CCDC74A: variants seen among roughly 807,000 people sequenced by gnomAD.
CCDC74A encodes the protein coiled-coil domain containing 74A, also known as coiled-coil domain-containing protein 74A.
Under a neutral mutation model 37.6 loss-of-function variants are expected in CCDC74A, and 38 were observed. The observed-to-expected ratio is 1.01, with a 90% CI of 0.78 to 1.33. CCDC74A has a LOEUF of 1.33. CCDC74A is among the 40% of genes most tolerant of loss of function. The pLI is 0.00. For synonymous variants in CCDC74A, 134 were observed against 165.2 expected (o/e 0.81, Z 1.45); for missense variants, 340 against 403.4 (o/e 0.84, Z 1.35).
intron 1 of CCDC74A, chr2:131,528,671 C>T (rs539029589): frequency 2.4e-5 from 11 of 465,698 alleles, no homozygotes; most frequent in Admixed American, 8.8e-5. Context: ...ATTAGCTAGG[C>T]GTGGTGGTGG....
intron 3 of CCDC74A, among the ~76,000 whole-genome samples, chr2:131,531,163 T>C (rs140283880): frequency 0.052 from 7,744 of 149,608 alleles, 551 homozygotes; most frequent in African/African-American, 0.17. Context: ...GCCGTGTCCC[T>C]GCCACAAGCA....
At chr2:131,526,542 C>T (rs1680334351), upstream of CCDC74A, among the ~76,000 whole-genome samples, 1 of 152,196 alleles carries the variant, frequency 6.6e-6, no homozygotes, top group Non-Finnish European at 1.5e-5. Flanking sequence ...CATTAGAGCC[C>T]TTAGCATATT....
chr2:131,529,270 A>C (rs557332293), intron 1 of CCDC74A: 184 of 413,834 alleles, frequency 4.4e-4, no homozygotes, highest in Middle Eastern at 1.0e-3. Context: ...CCCAGTTCCT[A>C]ATGTCTTCTT....
At chr2:131,528,355 G>T (rs1311338526) in intron 1 of CCDC74A, 135 bp downstream of exon 1, 4 of 1,545,920 alleles carry the variant, frequency 2.6e-6, no homozygotes, top group Admixed American at 2.0e-5. Flanking sequence ...CGGTAAGCCC[G>T]CCCTGCCACG....
chr2:131,527,439 T>G (rs562917171), upstream of CCDC74A, among the ~76,000 whole-genome samples: 3 of 152,256 alleles, frequency 2.0e-5, no homozygotes, highest in Non-Finnish European at 4.4e-5. Context: ...GTTTTTTTTC[T>G]TTTAATTTTT....
intron 3 of CCDC74A, among the ~76,000 whole-genome samples, chr2:131,531,205 G>A (rs1313075609): frequency 2.6e-5 from 4 of 152,158 alleles, no homozygotes; most frequent in Non-Finnish European, 5.9e-5. Flanking sequence ...CACTGCCCAC[G>A]GAGCCCTGGG....
rs1046682 is a variant in CCDC74A at position 131,533,389 on chromosome 2, A to G, written c.930A>G (p.Ser310=). 102 of 1,613,378 alleles carry G rather than the reference A, an allele frequency of 6.3e-5. No individual in the cohort carries two copies. Among genetic ancestry groups the G allele is most frequent in the East Asian group, 4.7e-4 (21 of 44,852 alleles). The part of the protein sequence containing the change: ...QAMQKRRLHR[S]VL ...TGCAGAAACGGCGCCTGCATCGCTC[A>G]GTGCTTTGAGCCACCCCAATCTGGT... Residue 310 remains serine, a synonymous_variant, in exon 8 of 8, where the codon TCA becomes TCG. Transcript: ENST00000409856.
At chr2:131,530,923 C>G (rs1231611907) in intron 3 of CCDC74A, 96 bp downstream of exon 3, 9 of 1,517,148 alleles carry the variant, frequency 5.9e-6, no homozygotes, top group Non-Finnish European at 8.0e-6. Flanking sequence ...GCGCCCTCTG[C>G]TGGGCCAAGC....
upstream of CCDC74A, among the ~76,000 whole-genome samples, chr2:131,526,786 G>A (rs1169736506): frequency 6.6e-6 from 1 of 152,202 alleles, no homozygotes; most frequent in Admixed American, 6.5e-5. Context: ...AGGTGTCAGA[G>A]GCTTAAACCT....
In CCDC74A at chr2:131,530,746, G is replaced by A. The variant is rs769081576; in HGVS notation, c.296-31G>A. 41 of 1,612,968 alleles carry A rather than the reference G, an allele frequency of 2.5e-5. No individual in the cohort carries two copies. The highest frequency in any genetic ancestry group is 6.7e-5 in the East Asian group (3 of 44,850). ...AGGCAAGCGTGGGCGTCTTGCGGGCGGTAGCGCCGACACTGTGCGCTCTCC... is the reference window on the plus strand; with the variant it reads ...AGGCAAGCGTGGGCGTCTTGCGGGCAGTAGCGCCGACACTGTGCGCTCTCC... On this transcript the variant is annotated intron_variant, in intron 2 of 7. Coordinates refer to ENST00000409856, the MANE Select transcript of CCDC74A (RefSeq NM_001258306.3).
chr2:131,529,883 G>A (rs1198575245), intron 2 of CCDC74A, 192 bp downstream of exon 2: 42 of 1,496,248 alleles, frequency 2.8e-5, no homozygotes, highest in African/African-American at 8.4e-5. Flanking sequence ...AGCACAGCAC[G>A]TGCTGCTCTC....
chr2:131,530,073 G>A (rs1322983225), intron 2 of CCDC74A: 2 of 1,550,416 alleles, frequency 1.3e-6, no homozygotes, highest in Non-Finnish European at 1.7e-6. Context: ...CTATGGCTCT[G>A]AGTCCTCACA....
chr2:131,533,166 C>T (rs1304832483), intron 7 of CCDC74A, 97 bp downstream of exon 7: 11 of 1,607,830 alleles, frequency 6.8e-6, no homozygotes, highest in African/African-American at 1.3e-5. Flanking sequence ...AAGCAGAGCT[C>T]GCTGAGGCCT....
chr2:131,530,349 T>A, intron 2 of CCDC74A: 1 of 1,545,898 alleles, frequency 6.5e-7, no homozygotes, highest in Non-Finnish European at 8.7e-7. Flanking sequence ...ACATCGCAGC[T>A]GGGGCAGTGC....
At position 131,532,869 on chromosome 2, in the gene CCDC74A, G is replaced by C. The variant is rs769169560; in HGVS notation, c.684G>C (p.Arg228=). 7.4e-6 allele frequency: 12 copies of C among 1,613,254 alleles called. No individual in the cohort carries two copies. The highest frequency in any genetic ancestry group is 1.0e-5 in the Non-Finnish European group (12 of 1,179,650). The change falls in exon 6 of 8, where the codon CGG becomes CGC. Residue 228 remains arginine, a synonymous_variant. Coordinates refer to ENST00000409856, the MANE Select transcript of CCDC74A (RefSeq NM_001258306.3). The part of the protein sequence containing the change: ...NTNLLQTQEL[R]HLKSLLEGSQ... ...CCCCTGCCCCTGCCTTTCAGCTGCGGCACCTCAAGTCCCTCCTGGAAGGGA... is the reference window on the plus strand; with the variant it reads ...CCCCTGCCCCTGCCTTTCAGCTGCGCCACCTCAAGTCCCTCCTGGAAGGGA...
upstream of CCDC74A, among the ~76,000 whole-genome samples, chr2:131,526,722 A>G (rs1056419185): frequency 1.3e-5 from 2 of 152,130 alleles, no homozygotes; most frequent in African/African-American, 4.8e-5. Context: ...TTCTGTGTGA[A>G]GTTTTATGTT....
upstream of CCDC74A, among the ~76,000 whole-genome samples, chr2:131,525,073 C>G (rs1040939011): frequency 3.9e-4 from 59 of 151,922 alleles, no homozygotes; most frequent in Non-Finnish European, 7.9e-4. Context: ...TCCTCCCTCC[C>G]AGCAGTAATA....
rs777987967 is a variant in CCDC74A, at chr2:131,532,704, C to T, written c.601C>T (p.Arg201Ter). ...CCCAATGATCCTGCCCCTTCCCCTG[C>T]GAAAGCCCACCACACTTAGGCAGTG... ...HPPMILPLPL[R>*]KPTTLRQCEV... is the part of the protein sequence containing the mutation. The change falls in exon 5 of 8, where the codon CGA (arginine) becomes TGA (stop). Residue 201 changes from arginine to a stop codon, truncating the protein, a stop_gained. Transcript: ENST00000409856. LOFTEE classifies it high-confidence loss of function. The T allele has an allele frequency of 1.5e-5, 25 of 1,613,466 alleles. No individual in the cohort carries two copies. The highest frequency in any genetic ancestry group is 5.5e-5 in the South Asian group (5 of 91,072).
chr2:131,533,091 A>G, intron 7 of CCDC74A, 22 bp downstream of exon 7: 12 of 1,613,458 alleles, frequency 7.4e-6, no homozygotes, highest in South Asian at 1.1e-5. Context: ...AGGCATGGGG[A>G]CAGTGGGGCA....
Sources: gnomAD v4.1 joint callset for allele counts (sites outside exome capture counted in the v4.1 genomes callset) on GRCh38, gnomAD v4.1.1 for gene constraint, MANE v1.5 for transcripts, NCBI Gene and HGNC (gene_info 2026-07-23, HGNC 2026-07-21) for gene names.